The following SDC4 variants were observed in gnomAD, a reference collection of about 807,000 sequenced individuals.
The protein encoded by SDC4 is syndecan 4.
Under a neutral mutation model 20.5 loss-of-function variants are expected in SDC4, and 17 were observed. That is an observed-to-expected ratio of 0.83 (90% CI 0.57 to 1.25). The LOEUF is 1.25. Ranked by LOEUF, SDC4 falls within the 50% of genes most tolerant of loss-of-function variation. SDC4 has a pLI of 0.00. For synonymous variants in SDC4, 107 were observed against 105.3 expected, an observed-to-expected ratio of 1.02 and a Z score of -0.10; for missense variants, 241 against 252.3, an observed-to-expected ratio of 0.96 and a Z score of 0.30.
intron 1 of SDC4, chr20:45,345,576 T>C (rs546566217): frequency 7.2e-5 from 11 of 152,260 alleles, no homozygotes; most frequent in Admixed American, 2.6e-4. Context: ...CCTACTCCCA[T>C]GTAATCAAGA....
At chr20:45,345,751 GC>G (rs1201592732) in intron 1 of SDC4, 1 of 152,282 alleles carries the variant, frequency 6.6e-6, no homozygotes, top group Non-Finnish European at 1.5e-5. Flanking sequence ...AAACAAGGCT[GC>G]CTTTAATTGG....
chr20:45,327,792 T>G (rs554037205), intron 4 of SDC4, among the ~76,000 whole-genome samples: 2 of 152,314 alleles, frequency 1.3e-5, no homozygotes, highest in South Asian at 4.1e-4. Flanking sequence ...TATAGGCACG[T>G]GCCACCATGC....
chr20:45,328,728 T>C (rs934833124), intron 4 of SDC4, among the ~76,000 whole-genome samples: 13 of 152,286 alleles, frequency 8.5e-5, no homozygotes, highest in Admixed American at 7.8e-4. Context: ...TTTCCATCCC[T>C]GCACACACTA....
At chr20:45,342,456 A>G (rs1987967287) in intron 1 of SDC4, among the ~76,000 whole-genome samples, 1 of 152,160 alleles carries the variant, frequency 6.6e-6, no homozygotes, top group African/African-American at 2.4e-5. Context: ...GCTGGGCTTC[A>G]CCAAGTCACT....
chr20:45,348,238 C>CT, intron 1 of SDC4, 87 bp downstream of exon 1: 1 of 1,143,980 alleles, frequency 8.7e-7, no homozygotes, highest in Non-Finnish European at 1.3e-6. Context: ...CCGATCTGCC[C>CT]CCCCCCATCC....
chr20:45,331,171 A>G (rs1987772109), intron 3 of SDC4, among the ~76,000 whole-genome samples: 1 of 152,176 alleles, frequency 6.6e-6, no homozygotes, highest in Non-Finnish European at 1.5e-5. Flanking sequence ...GAGACTCCCG[A>G]ATCAAAGGAA....
At chr20:45,347,237 C>T (rs1222741094) in intron 1 of SDC4, among the ~76,000 whole-genome samples, 2 of 152,132 alleles carry the variant, frequency 1.3e-5, no homozygotes, top group Admixed American at 6.5e-5. Flanking sequence ...GGAACAGGAG[C>T]CCCAAGGCTT....
At chr20:45,327,907 T>C (rs1987718445) in intron 4 of SDC4, among the ~76,000 whole-genome samples, 1 of 152,228 alleles carries the variant, frequency 6.6e-6, no homozygotes, top group African/African-American at 2.4e-5. Flanking sequence ...AGTGCTGGGA[T>C]TACAGGCGTG....
At chr20:45,333,602 G>A (rs1987814176) in intron 2 of SDC4, among the ~76,000 whole-genome samples, 1 of 152,236 alleles carries the variant, frequency 6.6e-6, no homozygotes, top group Non-Finnish European at 1.5e-5. Context: ...CCGGTTGGCA[G>A]AGGTTGCAGT....
chr20:45,332,922 C>A (rs932415240), intron 3 of SDC4, 101 bp downstream of exon 3: 1 of 1,131,310 alleles, frequency 8.8e-7, no homozygotes, highest in Admixed American at 1.8e-5. Flanking sequence ...GGGGTAAGAC[C>A]CCTCACTTAT....
Position 45,335,960 on chromosome 20 carries a change from G to A in SDC4, c.61-40C>T, listed in dbSNP as rs956424070. Reference sequence around the variant, plus strand: ...GGAGACACATCAGCCAACATCCCCAGTGCTCCATGACAGCTGATGCCCAAA... The same window carrying A: ...GGAGACACATCAGCCAACATCCCCAATGCTCCATGACAGCTGATGCCCAAA... On this transcript the variant is annotated intron_variant, in intron 1 of 4. Coordinates refer to ENST00000372733, the MANE Select transcript of SDC4 (RefSeq NM_002999.4). 4 of 1,598,102 alleles carry A rather than the reference G, an allele frequency of 2.5e-6. No homozygotes were observed. In the Admixed American group the frequency reaches 6.7e-5, roughly 27 times the overall value.
Position 45,327,420 on chromosome 20 carries a change from AGAG to A in SDC4, c.446-8_446-6del, listed in dbSNP as rs1283335029. On this transcript the variant is annotated splice_polypyrimidine_tract_variant and splice_region_variant and intron_variant, in intron 4 of 4. Transcript: ENST00000372733. ...CGATGCCACCCACAATCAGAGCTGG[AGAG>A]GAGGAGAGAGAAGAGGCGGGGGTGA... 1.9e-5 allele frequency: 31 copies of A among 1,611,264 alleles called. No individual in the cohort carries two copies. The highest frequency in any genetic ancestry group is 5.0e-5 in the Admixed American group (3 of 59,968).
intron 2 of SDC4, among the ~76,000 whole-genome samples, chr20:45,334,033 C>T (rs965985475): frequency 2.7e-5 from 4 of 150,814 alleles, no homozygotes; most frequent in East Asian, 3.9e-4. Context: ...CTCTCTCTGT[C>T]GCCTGGGCTG....
Position 45,327,102 on chromosome 20 carries a change from C to A in SDC4, c.*162G>T, listed in dbSNP as rs1006103922. On this transcript the variant is annotated 3_prime_UTR_variant, in exon 5 of 5. Transcript: ENST00000372733. ...AAAGCTCAAGAAGAACCTGGCAGAA[C>A]AGTAGAAGACAATGTCTCTTCTGAA... 4.5e-6 allele frequency: 3 copies of A among 670,062 alleles called. No individual in the cohort carries two copies. The highest frequency in any genetic ancestry group is 6.2e-5 in the Admixed American group (2 of 32,486). The allele number at this position is 670,062 out of a possible 1,614,324, so 41.5% of individuals were successfully genotyped here.
intron 1 of SDC4, 90 bp downstream of exon 1, chr20:45,348,235 G>GGCCCCCCCCCCCCCCC: frequency 1.1e-6 from 1 of 889,352 alleles, no homozygotes; most frequent in Non-Finnish European, 1.8e-6. Flanking sequence ...CCCCCGATCT[G>GGCCCCCCCCCCCCCCC]CCCCCCCCCA....
At chr20:45,333,231 T>C (rs571045038) in intron 2 of SDC4, among the ~76,000 whole-genome samples, 162 bp from the exon 3 acceptor site, 1 of 152,274 alleles carries the variant, frequency 6.6e-6, no homozygotes, top group East Asian at 1.9e-4. Context: ...ATCTGTAAAA[T>C]GGGGCTCCTC....
intron 4 of SDC4, among the ~76,000 whole-genome samples, chr20:45,329,175 C>T (rs190116989): frequency 2.0e-5 from 3 of 152,320 alleles, no homozygotes; most frequent in Admixed American, 2.0e-4. Flanking sequence ...GGGGATTCCA[C>T]CACACCAGCT....
intron 1 of SDC4, among the ~76,000 whole-genome samples, chr20:45,341,269 T>C (rs1987948872): frequency 6.6e-6 from 1 of 152,168 alleles, no homozygotes. Context: ...GAAGCTAGCC[T>C]GGGGACAGGG....
rs754403171 is a variant in SDC4, at chr20:45,330,408, C to T, written c.403G>A (p.Val135Met). ...VSNKVSMSST[V>M]QGSNIFERTE... ...CTCTCAAAGATGTTGCTGCCCTGCA[C>T]AGTGCTGGACATTGACACCTTGTTG... The change falls in exon 4 of 5, where the codon GTG (valine) becomes ATG (methionine). Residue 135 changes from valine (V) to methionine (M), a missense_variant. Coordinates refer to ENST00000372733, the MANE Select transcript of SDC4 (RefSeq NM_002999.4). 3.1e-6 allele frequency: 5 copies of T among 1,614,238 alleles called. No individual in the cohort carries two copies. In the South Asian group the frequency reaches 3.3e-5, roughly 11 times the overall value.
Sources: gnomAD v4.1 joint callset for allele counts (sites outside exome capture counted in the v4.1 genomes callset) on GRCh38, gnomAD v4.1.1 for gene constraint, MANE v1.5 for transcripts, NCBI Gene and HGNC (gene_info 2026-07-23, HGNC 2026-07-21) for gene names.